Variants in LRRK1 observed in about 807,000 individuals in gnomAD.
LRRK1 encodes leucine-rich repeat serine/threonine-protein kinase 1.
LRRK1 carries 113 observed loss-of-function variants against 209.1 expected under a neutral mutation model. That is an observed-to-expected ratio of 0.54 (90% CI 0.46 to 0.63). LRRK1 has a LOEUF of 0.63. Among genes scored for constraint, LRRK1 ranks in the 30% least tolerant of loss-of-function variants. The pLI is 0.00. For missense variants in LRRK1, 2,284 were observed against 2,632.2 expected (o/e 0.87, Z 2.89); for synonymous variants, 1,144 against 1,099.7 (o/e 1.04, Z -0.80).
chr15:101,020,539 C>G (rs1036409344), intron 12 of LRRK1, among the ~76,000 whole-genome samples: 1 of 151,940 alleles, frequency 6.6e-6, no homozygotes, highest in Non-Finnish European at 1.5e-5. Flanking sequence ...TCACGCCTGG[C>G]TAATTTTTGT....
At chr15:100,936,545 A>T (rs1287455356) in intron 2 of LRRK1, among the ~76,000 whole-genome samples, 1 of 152,218 alleles carries the variant, frequency 6.6e-6, no homozygotes, top group East Asian at 1.9e-4. Flanking sequence ...CTCCTTTAAC[A>T]AGAAGCTATG....
At chr15:100,988,836 G>A (rs2032011891) in intron 5 of LRRK1, 23 bp downstream of exon 5, 1 of 1,567,156 alleles carries the variant, frequency 6.4e-7, no homozygotes, top group Non-Finnish European at 8.7e-7. Context: ...ACTACCCTGA[G>A]TCAACCCTGA....
rs528410260 is a variant in LRRK1, at chr15:100,966,714, G to A, written c.98-7090G>A. ...CACAGGGTCGGTGAGAGTGGATATGGTGTCACCCTGCAACTTAAGAAAGTC... is the reference window on the plus strand; with the variant it reads ...CACAGGGTCGGTGAGAGTGGATATGATGTCACCCTGCAACTTAAGAAAGTC... On this transcript the variant is annotated intron_variant, in intron 2 of 33. Transcript: ENST00000388948. Among the ~76,000 whole-genome samples, 158 of 152,302 alleles carry A rather than the reference G, an allele frequency of 1.0e-3. 1 individual carries two copies. Among genetic ancestry groups the A allele is most frequent in the African/African-American group, 3.6e-3 (148 of 41,542 alleles).
chr15:101,069,269 T>G lies in LRRK1; in HGVS notation c.*421T>G. 6.5e-6 allele frequency: 1 copy of G among 154,970 alleles called. No homozygotes were observed. Among genetic ancestry groups the G allele is most frequent in the Non-Finnish European group, 1.4e-5 (1 of 69,616 alleles). 9.6% of individuals were successfully genotyped at this position (154,970 alleles called of 1,614,324 possible). ...GCCCTCCGCTGGGAAGCACTTGAGGTAGGGCAGGAGGGGGGCTGTGACCCC... is the reference window on the plus strand; with the variant it reads ...GCCCTCCGCTGGGAAGCACTTGAGGGAGGGCAGGAGGGGGGCTGTGACCCC... On this transcript the variant is annotated 3_prime_UTR_variant, in exon 34 of 34. Coordinates refer to ENST00000388948, the MANE Select transcript of LRRK1 (RefSeq NM_024652.6).
intron 2 of LRRK1, among the ~76,000 whole-genome samples, chr15:100,929,939 G>T (rs1209579397): frequency 6.6e-6 from 1 of 152,252 alleles, no homozygotes; most frequent in African/African-American, 2.4e-5. Flanking sequence ...AGTTAGCACA[G>T]CTGTGCTTCA....
chr15:100,978,877 A>ATT (rs11435350), intron 3 of LRRK1, among the ~76,000 whole-genome samples: 38 of 152,170 alleles, frequency 2.5e-4, no homozygotes, highest in African/African-American at 8.9e-4. Flanking sequence ...AAAAGGGAAC[A>ATT]TTTTTTAACA....
rs1170418827 is a variant in LRRK1 at position 101,075,699 on chromosome 15, G to A, written c.*6851G>A. On this transcript the variant is annotated 3_prime_UTR_variant, in exon 34 of 34. Transcript: ENST00000388948. ...GGATCTGTGCCTTATCAACCACATT[G>A]TTTTGCCTATCCACCCCATGGTGTC... The A allele has an allele frequency of 2.0e-5, 3 of 149,844 alleles. No homozygotes were observed. The highest frequency in any genetic ancestry group is 4.9e-5 in the African/African-American group (2 of 40,440). 9.3% of individuals were successfully genotyped at this position (149,844 alleles called of 1,614,324 possible).
rs548492077 is a variant in LRRK1, at chr15:101,052,224, G to A, written c.3689+264G>A. 2.6e-5 allele frequency among the ~76,000 whole-genome samples: 4 copies of A among 152,266 alleles called. No homozygotes were observed. In the East Asian group the frequency reaches 5.8e-4, roughly 22 times the overall value. On this transcript the variant is annotated intron_variant, in intron 24 of 33. Coordinates refer to ENST00000388948, the MANE Select transcript of LRRK1 (RefSeq NM_024652.6). ...GTGCAGCCATCCTGCCTCCCCATAC[G>A]GCTCCCCCTTCCCCTCGTAGCCAGA... is the stretch of plus-strand genomic sequence containing the variant.
intron 24 of LRRK1, among the ~76,000 whole-genome samples, chr15:101,052,376 A>T (rs1357926274): frequency 9.5e-6 from 1 of 105,562 alleles, no homozygotes; most frequent in Non-Finnish European, 2.0e-5. Flanking sequence ...GCTCCCACCC[A>T]GAGCCTTGTT....
At position 100,924,559 on chromosome 15, in the gene LRRK1, GCACCC is replaced by G. The variant is rs903247131; in HGVS notation, c.-70_-66del. 2.2e-6 allele frequency: 3 copies of G among 1,343,026 alleles called. No individual in the cohort carries two copies. The African/African-American group carries it at 4.3e-5, about 19-fold the overall frequency. The allele number at this position is 1,343,026 out of a possible 1,614,324, so 83.2% of individuals were successfully genotyped here. On this transcript the variant is annotated 5_prime_UTR_variant, in exon 2 of 34. An upstream open reading frame in the 5' UTR loses its in-frame stop. Transcript: ENST00000388948. ...CATGGCTACGAGTCCACGCCTTAAT[GCACCC>G]CACAGCCAGCGGCAGTGGCAGTGAC...
intron 21 of LRRK1, 82 bp from the exon 22 acceptor site, chr15:101,048,412 C>T: frequency 7.8e-7 from 1 of 1,283,458 alleles, no homozygotes; most frequent in Non-Finnish European, 1.1e-6. Context: ...AAGATGGGGC[C>T]CAGCCCGGCC....
In LRRK1 at chr15:101,048,523, C is replaced by T. The variant is rs1486856868; in HGVS notation, c.3165C>T (p.Ser1055=). The T allele has an allele frequency of 5.6e-6, 9 of 1,599,468 alleles. No individual in the cohort carries two copies. The highest frequency in any genetic ancestry group is 5.1e-6 in the Non-Finnish European group (6 of 1,175,564). Residue 1055 remains serine (S), a synonymous_variant, in exon 22 of 34, where the codon AGC becomes AGT. Coordinates refer to ENST00000388948, the MANE Select transcript of LRRK1 (RefSeq NM_024652.6). ...QLFENKKNTK[S]RNRKVTIYSF... is the part of the protein sequence containing the mutation. ...TTGAAAACAAGAAGAATACTAAAAG[C>T]AGGAACAGGAAAGTCACCATTTACA...
intron 2 of LRRK1, among the ~76,000 whole-genome samples, chr15:100,961,981 A>G (rs1434944189): frequency 6.6e-6 from 1 of 152,210 alleles, no homozygotes; most frequent in East Asian, 1.9e-4. Flanking sequence ...CACCTGTGCC[A>G]ATTTTTGTTC....
At chr15:100,934,014 A>G (rs1288227257) in intron 2 of LRRK1, among the ~76,000 whole-genome samples, 1 of 151,868 alleles carries the variant, frequency 6.6e-6, no homozygotes, top group Non-Finnish European at 1.5e-5. Context: ...AGAGGATCCT[A>G]ATTGCCATTT....
chr15:100,976,405 A>G (rs1056264517), intron 3 of LRRK1, among the ~76,000 whole-genome samples: 1 of 152,254 alleles, frequency 6.6e-6, no homozygotes, highest in South Asian at 2.1e-4. Context: ...AGATATTCAG[A>G]TAGATGGTAC....
chr15:101,022,397 C>T lies in LRRK1; in HGVS notation c.1867C>T (p.Leu623=), dbSNP rs1486649232. The part of the protein sequence containing the change: ...EIQKEGPKAM[L]SYLRAQLRKA... ...ATTTTGCACAGGCCCCAAAGCAATG[C>T]TGTCTTACCTGCGTGCTCAGCTGCG... The change falls in exon 15 of 34, where the codon CTG becomes TTG. Residue 623 remains leucine (L), a synonymous_variant. Coordinates refer to ENST00000388948, the MANE Select transcript of LRRK1 (RefSeq NM_024652.6). The surrounding 1 kb of genome is among the most constrained non-coding windows in gnomAD (Gnocchi z 4.0). 4 of 1,614,240 alleles carry T rather than the reference C, an allele frequency of 2.5e-6. No homozygotes were observed. The highest frequency in any genetic ancestry group is 3.4e-6 in the Non-Finnish European group (4 of 1,180,032).
intron 6 of LRRK1, among the ~76,000 whole-genome samples, chr15:100,992,754 C>T (rs1056398825): frequency 1.3e-5 from 2 of 152,094 alleles, no homozygotes; most frequent in African/African-American, 4.8e-5. Flanking sequence ...CTGTAACCTC[C>T]ACCTCCCGGG....
intron 19 of LRRK1, among the ~76,000 whole-genome samples, chr15:101,028,639 G>A (rs769172165): frequency 3.9e-5 from 6 of 152,228 alleles, no homozygotes; most frequent in Non-Finnish European, 7.3e-5. Context: ...GCAAATAACC[G>A]CAGGAGTGCT....
At chr15:100,966,457 G>C (rs1172049982) in intron 2 of LRRK1, among the ~76,000 whole-genome samples, 1 of 152,210 alleles carries the variant, frequency 6.6e-6, no homozygotes, top group Non-Finnish European at 1.5e-5. Context: ...GGGAAATAAA[G>C]AAGAAAAATC....
Sources: gnomAD v4.1 joint callset for allele counts (sites outside exome capture counted in the v4.1 genomes callset) on GRCh38, gnomAD v4.1.1 for gene constraint, Gnocchi (gnomAD v3.1) non-coding constraint, MANE v1.5 for transcripts, NCBI Gene and HGNC (gene_info 2026-07-23, HGNC 2026-07-21) for gene names.